The following COG4 variants were observed in gnomAD, a reference collection of about 807,000 sequenced individuals.
The protein encoded by COG4 is conserved oligomeric Golgi complex subunit 4.
Under a neutral mutation model 95.1 loss-of-function variants are expected in COG4, and 65 were observed. That is an observed-to-expected ratio of 0.68 (90% confidence interval 0.56 to 0.84). The LOEUF (loss-of-function observed/expected upper bound fraction) is 0.84. Ranked by LOEUF, COG4 falls within the 40% of genes least tolerant of loss-of-function variation. The pLI, the probability that COG4 is intolerant of heterozygous loss-of-function variation, is 0.00. For synonymous variants in COG4, 421 were observed against 374.8 expected (o/e 1.12, Z -1.42); for missense variants, 1,045 against 989.1 (o/e 1.06, Z -0.76).
At chr16:70,510,858 G>A (rs1049471183) in intron 5 of COG4, among the ~76,000 whole-genome samples, 10 of 150,656 alleles carry the variant, frequency 6.6e-5, no homozygotes, top group South Asian at 4.2e-4. Flanking sequence ...CTGCCTCCCC[G>A]GCTCAAGCGA....
intron 8 of COG4, among the ~76,000 whole-genome samples, chr16:70,504,788 G>A (rs2049526389): frequency 6.6e-6 from 1 of 151,612 alleles, no homozygotes; most frequent in African/African-American, 2.4e-5. Flanking sequence ...TGGGGCGCCT[G>A]TAATCCCAGC....
chr16:70,505,154 A>G (rs138654508), intron 8 of COG4, among the ~76,000 whole-genome samples: 146 of 151,624 alleles, frequency 9.6e-4, no homozygotes, highest in Middle Eastern at 3.4e-3. Context: ...ATGTGTACTC[A>G]GTAAAACTTT....
chr16:70,503,595 CT>C lies in COG4; in HGVS notation c.1062-2505del, dbSNP rs67706790. Among the ~76,000 whole-genome samples, 780 of 125,668 alleles carry C rather than the reference CT, an allele frequency of 6.2e-3. 86 individuals carry two copies. The highest frequency in any genetic ancestry group is 0.028 in the African/African-American group (618 of 21,766). The allele number at this position is 125,668 out of a possible 152,430, so 82.4% of individuals were successfully genotyped here. On this transcript the variant is annotated intron_variant, in intron 8 of 18. Transcript: ENST00000323786. ...CCTCACATCTTAACTCCTACTTACT[CT>C]TTTTTTTTTTTTTTTTGAGACGGAG...
At chr16:70,500,365 CTTTTTTTTTTTT>C (rs68141616) in intron 9 of COG4, among the ~76,000 whole-genome samples, 2 of 96,174 alleles carry the variant, frequency 2.1e-5, no homozygotes, top group Admixed American at 1.2e-4. Flanking sequence ...ATTATATACT[CTTTTTTTTTTTT>C]TTTTTTTTTG....
At chr16:70,491,918 G>T (rs1052606879) in intron 12 of COG4, among the ~76,000 whole-genome samples, 10 of 152,014 alleles carry the variant, frequency 6.6e-5, no homozygotes, top group Non-Finnish European at 1.3e-4. Flanking sequence ...GATGTGCCAG[G>T]CACAGTTCTA....
chr16:70,509,938 A>G lies in COG4; in HGVS notation c.822T>C (p.Asp274=). The G allele has an allele frequency of 6.2e-7, 1 of 1,613,788 alleles. No homozygotes were observed. Among genetic ancestry groups the G allele is most frequent in the East Asian group, 2.2e-5 (1 of 44,880 alleles). The change falls in exon 6 of 19, where the codon GAT becomes GAC. Residue 274 remains aspartate, a synonymous_variant. Coordinates refer to ENST00000323786, the MANE Select transcript of COG4 (RefSeq NM_015386.3). ...SDRRAAVIFA[D]TLTLLFEGIA... is the part of the protein sequence containing the mutation. ...CACCTTCAAACAGAAGAGTAAGTGT[A>G]TCTGCAAAGATGACTGCAGCTCTCC...
chr16:70,522,696 A>C (rs2049975024), intron 1 of COG4, among the ~76,000 whole-genome samples: 1 of 152,220 alleles, frequency 6.6e-6, no homozygotes, highest in South Asian at 2.1e-4. Context: ...TCGAAAGTGA[A>C]TTGACAGCAT....
At chr16:70,506,618 C>A (rs4985410) in intron 8 of COG4, among the ~76,000 whole-genome samples, 33,504 of 59,220 alleles carry the variant, frequency 0.57, 9,400 homozygotes, top group East Asian at 0.78. Context: ...AAAAAAAAAA[C>A]AAAAAAAAAA....
intron 1 of COG4, among the ~76,000 whole-genome samples, chr16:70,521,052 T>C (rs1298800875): frequency 6.6e-6 from 1 of 152,138 alleles, no homozygotes; most frequent in Non-Finnish European, 1.5e-5. Context: ...CCTGGTCCAC[T>C]GTTTAATTTT....
At chr16:70,517,150 T>C (rs1325187477) in intron 3 of COG4, among the ~76,000 whole-genome samples, 1 of 152,114 alleles carries the variant, frequency 6.6e-6, no homozygotes, top group Non-Finnish European at 1.5e-5. Context: ...CCTCCTGTTC[T>C]GGCCTCCTAA....
intron 2 of COG4, among the ~76,000 whole-genome samples, chr16:70,519,328 C>T (rs1396452861): frequency 4.8e-5 from 2 of 42,062 alleles, no homozygotes; most frequent in Non-Finnish European, 7.5e-5. Flanking sequence ...GGGGTTTCAC[C>T]TTGTTAGCCA....
At chr16:70,492,830 G>T (rs1265682018) in intron 12 of COG4, among the ~76,000 whole-genome samples, 1 of 151,784 alleles carries the variant, frequency 6.6e-6, no homozygotes, top group Non-Finnish European at 1.5e-5. Flanking sequence ...GGGTGTGGTG[G>T]CAGGTGCCTG....
At position 70,482,823 on chromosome 16, in the gene COG4, T is replaced by G; in HGVS notation, c.1828-2A>C. 1 of 1,612,944 alleles carries G rather than the reference T, an allele frequency of 6.2e-7. No individual in the cohort carries two copies. Among genetic ancestry groups the G allele is most frequent in the East Asian group, 2.2e-5 (1 of 44,866 alleles). ...GCTGTTGAGCTCCGTCAGCCCTTCC[T>G]GCACAAGGACAAGGTGGAGACATGT... is the stretch of plus-strand genomic sequence containing the variant. On this transcript the variant is annotated splice_acceptor_variant, in intron 14 of 18. Coordinates refer to ENST00000323786, the MANE Select transcript of COG4 (RefSeq NM_015386.3). LOFTEE classifies it high-confidence loss of function.
In COG4 at chr16:70,510,151, G is replaced by A. The variant is rs1289646396; in HGVS notation, c.739-130C>T. The A allele has an allele frequency of 6.6e-6, 5 of 758,716 alleles. No individual in the cohort carries two copies. The Admixed American group carries it at 1.0e-4, about 15-fold the overall frequency. The allele number at this position is 758,716 out of a possible 1,614,324, so 47.0% of individuals were successfully genotyped here. A position where few individuals can be genotyped will look rare whatever the true frequency, so the allele number is the denominator to read the frequency against. ...ATTTCCCTTGATGTCTGGAAGCCCA[G>A]GCAGCACAGAGGAAACTCCCTTGAG... On this transcript the variant is annotated intron_variant, in intron 5 of 18. Transcript: ENST00000323786.
intron 2 of COG4, among the ~76,000 whole-genome samples, chr16:70,518,490 C>T (rs2049870599): frequency 6.6e-6 from 1 of 152,138 alleles, no homozygotes; most frequent in South Asian, 2.1e-4. Flanking sequence ...TCCTGAGTAG[C>T]TGAGACTACA....
intron 14 of COG4, among the ~76,000 whole-genome samples, chr16:70,483,274 TCTCCTCTCCCCACCCCATCCTC>T (rs1257768580): frequency 2.1e-5 from 2 of 96,686 alleles, no homozygotes; most frequent in African/African-American, 8.8e-5. Context: ...CCCTTCCTTC[TCTCCTCTCCCCACCCCATCCTC>T]CTCTCCTCTC....
chr16:70,519,503 C>G (rs980642306), intron 2 of COG4, 146 bp downstream of exon 2: 3 of 698,392 alleles, frequency 4.3e-6, no homozygotes, highest in Non-Finnish European at 7.8e-6. Context: ...AAACTAATAC[C>G]CTTAGGTGTT....
chr16:70,502,430 C>T (rs559174982), intron 8 of COG4, among the ~76,000 whole-genome samples: 69 of 151,046 alleles, frequency 4.6e-4, no homozygotes, highest in Non-Finnish European at 9.0e-4. Context: ...GGAGAAACCC[C>T]GTCTCCACTA....
chr16:70,481,314 C>G, intron 18 of COG4, 45 bp downstream of exon 18: 1 of 1,609,556 alleles, frequency 6.2e-7, no homozygotes, highest in Non-Finnish European at 8.5e-7. Flanking sequence ...ATCTTTGCCT[C>G]TTTCAGTCAC....
Sources: gnomAD v4.1 joint callset for allele counts (sites outside exome capture counted in the v4.1 genomes callset) on GRCh38, gnomAD v4.1.1 for gene constraint, MANE v1.5 for transcripts, NCBI Gene and HGNC (gene_info 2026-07-23, HGNC 2026-07-21) for gene names.